The following RC3H2 variants were observed in gnomAD, a reference collection of about 807,000 sequenced individuals.
RC3H2 encodes roquin-2.
In RC3H2, 31 loss-of-function variants were observed where a neutral mutation model predicts 133.3. The observed-to-expected ratio is 0.23, with a 90% CI of 0.17 to 0.31. The LOEUF is 0.31. Among genes scored for constraint, RC3H2 ranks in the 10% least tolerant of loss-of-function variants. The pLI, the probability that RC3H2 is intolerant of heterozygous loss-of-function variation, is 1.00. For missense variants in RC3H2, 1,175 were observed against 1,437.2 expected (o/e 0.82, Z 2.95); for synonymous variants, 517 against 502.2 (o/e 1.03, Z -0.40).
intron 20 of RC3H2, among the ~76,000 whole-genome samples, chr9:122,850,435 T>TATCTATAGATAGATAGATAG (rs11267855): frequency 6.7e-6 from 1 of 149,862 alleles, no homozygotes; most frequent in Admixed American, 6.7e-5. Context: ...GCTATCTATC[T>TATCTATAGATAGATAGATAG]ATAGATAGAT....
chr9:122,855,152 A>C, intron 15 of RC3H2, 32 bp downstream of exon 15: 1 of 1,524,738 alleles, frequency 6.6e-7, no homozygotes, highest in East Asian at 2.3e-5. Context: ...TGCTTAGAAC[A>C]TATCAGGCTA....
chr9:122,875,484 T>C (rs979846385), intron 9 of RC3H2: 4 of 1,366,156 alleles, frequency 2.9e-6, no homozygotes, highest in Non-Finnish European at 3.8e-6. Context: ...GTGGCTGTTT[T>C]TTTGCTACAG....
At chr9:122,876,457 G>T (rs1250591560) in intron 9 of RC3H2, among the ~76,000 whole-genome samples, 1 of 151,974 alleles carries the variant, frequency 6.6e-6, no homozygotes, top group East Asian at 1.9e-4. Flanking sequence ...GTGAAACCCT[G>T]TCTCTACTAA....
At chr9:122,854,425 A>G in intron 16 of RC3H2, 106 bp downstream of exon 16, 2 of 1,179,324 alleles carry the variant, frequency 1.7e-6, no homozygotes, top group Non-Finnish European at 1.2e-6. Flanking sequence ...TATATAGCTC[A>G]GACAACAAGC....
intron 4 of RC3H2, 58 bp from the exon 5 acceptor site, chr9:122,883,437 G>T: frequency 7.3e-7 from 1 of 1,375,902 alleles, no homozygotes; most frequent in Non-Finnish European, 9.9e-7. Flanking sequence ...CAGATCATGT[G>T]TGTCATAGGC....
intron 3 of RC3H2, among the ~76,000 whole-genome samples, chr9:122,891,389 A>C (rs980744492): frequency 1.3e-5 from 2 of 152,082 alleles, no homozygotes; most frequent in Non-Finnish European, 2.9e-5. Context: ...GCTATTTCCT[A>C]GTCTAGTGCC....
At chr9:122,863,081 C>T (rs1362531413) in intron 10 of RC3H2, among the ~76,000 whole-genome samples, 1 of 152,070 alleles carries the variant, frequency 6.6e-6, no homozygotes, top group Non-Finnish European at 1.5e-5. Context: ...CATTCATTCC[C>T]CATTCCTGTC....
chr9:122,875,298 T>C (rs1398866374), intron 9 of RC3H2: 2 of 1,550,592 alleles, frequency 1.3e-6, no homozygotes, highest in Non-Finnish European at 1.7e-6. Flanking sequence ...TAGAGCTCAT[T>C]ATGTACAGTG....
At chr9:122,860,787 T>C (rs1384627534) in intron 10 of RC3H2, among the ~76,000 whole-genome samples, 2 of 151,952 alleles carry the variant, frequency 1.3e-5, no homozygotes, top group African/African-American at 2.4e-5. Flanking sequence ...GTTCGACAAG[T>C]TCTCAACCGA....
At chr9:122,859,850 CTATT>C in intron 11 of RC3H2, 63 bp downstream of exon 11, 4 of 1,260,372 alleles carry the variant, frequency 3.2e-6, no homozygotes, top group Non-Finnish European at 3.5e-6. Context: ...CATTCTAGAA[CTATT>C]CATTCATTTA....
At chr9:122,860,268 G>T (rs1299903263) in intron 10 of RC3H2, 137 bp from the exon 11 acceptor site, 3 of 650,424 alleles carry the variant, frequency 4.6e-6, no homozygotes, top group African/African-American at 3.7e-5. Context: ...TGACAAATAA[G>T]GCAATGAATT....
At chr9:122,869,886 T>A (rs1161461172) in intron 9 of RC3H2, among the ~76,000 whole-genome samples, 3 of 152,002 alleles carry the variant, frequency 2.0e-5, no homozygotes, top group Non-Finnish European at 4.4e-5. Flanking sequence ...ATCTTATAGA[T>A]AAGAGGAAAA....
chr9:122,851,649 G>A lies in RC3H2; in HGVS notation c.3118-213C>T, dbSNP rs940417257. 3.0e-5 allele frequency: 17 copies of A among 561,582 alleles called. No homozygotes were observed. The East Asian group carries it at 3.7e-4, about 12-fold the overall frequency. 34.8% of individuals were successfully genotyped at this position (561,582 alleles called of 1,614,324 possible). A position where few individuals can be genotyped will look rare whatever the true frequency, so the allele number is the denominator to read the frequency against. ...GTGCCTGCAATTGCAGGCGCGCGCC[G>A]CCACGCCTGACTGGTTTTCGTATTT... On this transcript the variant is annotated intron_variant, in intron 18 of 20. Transcript: ENST00000357244.
intron 10 of RC3H2, among the ~76,000 whole-genome samples, chr9:122,861,813 T>C (rs1026535646): frequency 2.0e-5 from 3 of 152,332 alleles, no homozygotes; most frequent in South Asian, 4.1e-4. Flanking sequence ...CTTCTATGTG[T>C]AACTGTATAT....
At chr9:122,889,635 C>T (rs1031522284) in intron 4 of RC3H2, among the ~76,000 whole-genome samples, 5 of 152,052 alleles carry the variant, frequency 3.3e-5, no homozygotes, top group South Asian at 2.1e-4. Context: ...CCCCTAAAAA[C>T]GATCAAGAGT....
intron 5 of RC3H2, 91 bp from the exon 6 acceptor site, chr9:122,880,885 T>C (rs1831588162): frequency 1.2e-6 from 1 of 851,310 alleles, no homozygotes; most frequent in Non-Finnish European, 1.9e-6. Flanking sequence ...GGGTGGGGGA[T>C]ACTTACATAT....
At chr9:122,870,976 T>G (rs1304235061) in intron 9 of RC3H2, among the ~76,000 whole-genome samples, 1 of 152,232 alleles carries the variant, frequency 6.6e-6, no homozygotes, top group Non-Finnish European at 1.5e-5. Context: ...AAGTTCATTT[T>G]CCCATCTCCA....
chr9:122,879,990 T>C lies in RC3H2; in HGVS notation c.1093+3A>G. The C allele has an allele frequency of 6.2e-7, 1 of 1,614,118 alleles. No individual in the cohort carries two copies. Among genetic ancestry groups the C allele is most frequent in the East Asian group, 2.2e-5 (1 of 44,886 alleles). On this transcript the variant is annotated splice_donor_region_variant and intron_variant, in intron 7 of 20. Transcript: ENST00000357244. ...ATAAGCAACTGAGCATATTCCCACA[T>C]ACCTGGATTAGGGTCTATGTTTGCA...
chr9:122,897,536 A>G lies in RC3H2; in HGVS notation c.-27T>C. On this transcript the variant is annotated 5_prime_UTR_variant, in exon 2 of 21. Transcript: ENST00000357244. The stretch of plus-strand genomic sequence containing the variant: ...GTGGAAGCTGGATGCTCGGGTTAGC[A>G]GTCTAGCAGATCATTATTTTGCTGT... The G allele has an allele frequency of 6.3e-7, 1 of 1,597,806 alleles. No individual in the cohort carries two copies.
Sources: gnomAD v4.1 joint callset for allele counts (sites outside exome capture counted in the v4.1 genomes callset) on GRCh38, gnomAD v4.1.1 for gene constraint, MANE v1.5 for transcripts, NCBI Gene and HGNC (gene_info 2026-07-23, HGNC 2026-07-21) for gene names.